Variants in NTN4 observed in about 807,000 individuals in gnomAD.
NTN4 encodes netrin 4.
NTN4 carries 32 observed loss-of-function variants against 73.6 expected under a neutral mutation model. The ratio of observed to expected loss-of-function variants is 0.44; its 90% CI spans 0.33 to 0.58. NTN4 has a LOEUF of 0.58. NTN4 is among the 20% of genes least tolerant of loss of function. The pLI, the probability that NTN4 is intolerant of heterozygous loss-of-function variation, is 0.04. For missense variants in NTN4, 654 were observed against 798.3 expected, an observed-to-expected ratio of 0.82 and a Z score of 2.18; for synonymous variants, 258 against 287.5, an observed-to-expected ratio of 0.90 and a Z score of 1.04.
chr12:95,778,303 A>T (rs1169273267), intron 2 of NTN4, among the ~76,000 whole-genome samples: 1 of 152,140 alleles, frequency 6.6e-6, no homozygotes, highest in Non-Finnish European at 1.5e-5. Flanking sequence ...GCAAGAAATA[A>T]CTAAGATCAG....
At chr12:95,742,803 C>A (rs1338590789) in intron 2 of NTN4, among the ~76,000 whole-genome samples, 2 of 152,188 alleles carry the variant, frequency 1.3e-5, no homozygotes. Context: ...GTCCCACAGT[C>A]TCTGGCACAT....
At chr12:95,761,615 G>T (rs983383039) in intron 2 of NTN4, among the ~76,000 whole-genome samples, 1 of 152,126 alleles carries the variant, frequency 6.6e-6, no homozygotes, top group East Asian at 1.9e-4. Context: ...TTACAGGCGT[G>T]AGCCACCGTG....
rs927715433 is a variant in NTN4 at position 95,672,200 on chromosome 12, G to C, written c.1511-2054C>G. 1.6e-5 allele frequency: 9 copies of C among 566,376 alleles called. No individual in the cohort carries two copies. The East Asian group carries it at 2.9e-4, about 18-fold the overall frequency. 35.1% of individuals were successfully genotyped at this position (566,376 alleles called of 1,614,324 possible). ...GTCGAGCACGCAGGCGCAATGGTCG[G>C]GTTGCGGGGGGCGGGCGGGGGGAGG... On this transcript the variant is annotated intron_variant, in intron 7 of 9. Coordinates refer to ENST00000343702, the MANE Select transcript of NTN4 (RefSeq NM_021229.4).
chr12:95,753,191 C>T (rs973702684), intron 2 of NTN4, among the ~76,000 whole-genome samples: 5 of 152,102 alleles, frequency 3.3e-5, no homozygotes, highest in African/African-American at 9.7e-5. Context: ...CAAAGGCAGG[C>T]TATGCTATAG....
chr12:95,758,571 TA>T (rs1324337040), intron 2 of NTN4, among the ~76,000 whole-genome samples: 1 of 152,178 alleles, frequency 6.6e-6, no homozygotes, highest in Non-Finnish European at 1.5e-5. Context: ...TATTTTATTT[TA>T]TTTTTTGAGA....
chr12:95,696,629 T>C (rs2121038612), intron 5 of NTN4, among the ~76,000 whole-genome samples: 1 of 151,980 alleles, frequency 6.6e-6, no homozygotes, highest in East Asian at 1.9e-4. Context: ...AATCATGAAA[T>C]GATTTTATGT....
At position 95,787,170 on chromosome 12, in the gene NTN4, C is replaced by T. The variant is rs2079174261; in HGVS notation, c.354G>A (p.Gln118=). The stretch of plus-strand genomic sequence containing the variant: ...AGTAGAATTCAGCTTCCAGGTCTAA[C>T]TGGATCTTTTCTCTGTGCACATCCT... ...SAEDVHREKI[Q]LDLEAEFYFT... The change falls in exon 2 of 10, where the codon CAG becomes CAA. Residue 118 remains glutamine, a synonymous_variant. Coordinates refer to ENST00000343702, the MANE Select transcript of NTN4 (RefSeq NM_021229.4). 6.2e-7 allele frequency: 1 copy of T among 1,614,112 alleles called. No homozygotes were observed. The highest frequency in any genetic ancestry group is 1.3e-5 in the African/African-American group (1 of 74,938).
intron 5 of NTN4, among the ~76,000 whole-genome samples, chr12:95,704,471 G>T (rs984005587): frequency 3.3e-5 from 5 of 152,144 alleles, no homozygotes; most frequent in Admixed American, 2.6e-4. Flanking sequence ...TGTTAAATAT[G>T]TTAACTTATT....
intron 7 of NTN4, among the ~76,000 whole-genome samples, chr12:95,679,552 CCTACCTCAT>C (rs80329492): frequency 0.052 from 7,959 of 152,154 alleles, 389 homozygotes; most frequent in East Asian, 0.27. Flanking sequence ...AATCCTTGAC[CCTACCTCAT>C]TTCACCCTCA....
Position 95,724,804 on chromosome 12 carries a change from A to G in NTN4, c.865-11466T>C, listed in dbSNP as rs2078679675. On this transcript the variant is annotated intron_variant, in intron 3 of 9. Coordinates refer to ENST00000343702, the MANE Select transcript of NTN4 (RefSeq NM_021229.4). ...CACTATGCTCAGTTACTAAGACAGT[A>G]GCTACATAGTCATTCTACCTACTCC... Among the ~76,000 whole-genome samples, 4 of 152,150 alleles carry G rather than the reference A, an allele frequency of 2.6e-5. No individual in the cohort carries two copies. The South Asian group carries it at 8.3e-4, about 31-fold the overall frequency.
At position 95,789,322 on chromosome 12, in the gene NTN4, C is replaced by G. The variant is rs538371219; in HGVS notation, c.55+933G>C. ...GTTCTGTAGCCACCAGCGCATCCCT[C>G]TAGCCCAGGCGCCCCTTTCTGAAGC... is the stretch of plus-strand genomic sequence containing the variant. On this transcript the variant is annotated intron_variant, in intron 1 of 9. Transcript: ENST00000343702. The surrounding 1 kb of genome is among the most constrained non-coding windows in gnomAD (Gnocchi z 4.0). Among the ~76,000 whole-genome samples the G allele has an allele frequency of 6.6e-6, 1 of 152,310 alleles. No homozygotes were observed. Among genetic ancestry groups the G allele is most frequent in the South Asian group, 2.1e-4 (1 of 4,832 alleles).
At chr12:95,661,779 C>T (rs1403861390) in intron 9 of NTN4, among the ~76,000 whole-genome samples, 5 of 152,094 alleles carry the variant, frequency 3.3e-5, no homozygotes, top group Non-Finnish European at 5.9e-5. Flanking sequence ...TGTTGATGGT[C>T]AGATAATGGA....
rs564151892 is a variant in NTN4, at chr12:95,681,755, G to A, written c.1510+952C>T. On this transcript the variant is annotated intron_variant, in intron 7 of 9. Coordinates refer to ENST00000343702, the MANE Select transcript of NTN4 (RefSeq NM_021229.4). ...ATGTCATAGGGAAATTGAGTCAGAG[G>A]AAAGAGGAGCCCATATTGAGTAAAC... 2.0e-5 allele frequency among the ~76,000 whole-genome samples: 3 copies of A among 152,306 alleles called. No homozygotes were observed. In the South Asian group the frequency reaches 6.2e-4, roughly 32 times the overall value.
intron 3 of NTN4, among the ~76,000 whole-genome samples, chr12:95,716,588 G>A (rs1051855124): frequency 4.6e-5 from 7 of 151,406 alleles, no homozygotes; most frequent in African/African-American, 7.3e-5. Flanking sequence ...CTCCTATCTT[G>A]CCTGTTATGT....
intron 2 of NTN4, among the ~76,000 whole-genome samples, chr12:95,757,480 C>T (rs576878469): frequency 7.9e-5 from 12 of 152,240 alleles, no homozygotes; most frequent in Admixed American, 7.8e-4. Flanking sequence ...AACAGACCTT[C>T]CCTTCAGGAG....
intron 3 of NTN4, among the ~76,000 whole-genome samples, chr12:95,729,716 A>G (rs1310718970): frequency 6.6e-6 from 1 of 150,684 alleles, no homozygotes; most frequent in African/African-American, 2.4e-5. Flanking sequence ...TTTCCCTTGC[A>G]AGGGAGAATA....
chr12:95,672,405 C>A, intron 7 of NTN4: 2 of 1,067,942 alleles, frequency 1.9e-6, no homozygotes, highest in Non-Finnish European at 2.9e-6. Flanking sequence ...CCCGGCAGGC[C>A]ACCAGGAGGT....
At chr12:95,725,615 A>T (rs2078688173) in intron 3 of NTN4, among the ~76,000 whole-genome samples, 1 of 152,152 alleles carries the variant, frequency 6.6e-6, no homozygotes, top group South Asian at 2.1e-4. Flanking sequence ...AGGGTATTAC[A>T]AAAGTTGACA....
rs182895127 is a variant in NTN4, at chr12:95,781,845, G to T, written c.585+5094C>A. Among the ~76,000 whole-genome samples the T allele has an allele frequency of 2.0e-5, 3 of 152,104 alleles. No homozygotes were observed. The highest frequency in any genetic ancestry group is 2.0e-4 in the Admixed American group (3 of 15,276). On this transcript the variant is annotated intron_variant, in intron 2 of 9. Transcript: ENST00000343702. This position sits in a 1 kb window ranked among gnomAD's most constrained non-coding sequence, Gnocchi z 4.1. ...ATTTACCACACTCCGACATAACACAGATTTTACTTATTTGCTCTCTATCTC... is the reference window on the plus strand; with the variant it reads ...ATTTACCACACTCCGACATAACACATATTTTACTTATTTGCTCTCTATCTC...
Sources: gnomAD v4.1 joint callset for allele counts (sites outside exome capture counted in the v4.1 genomes callset) on GRCh38, gnomAD v4.1.1 for gene constraint, Gnocchi (gnomAD v3.1) non-coding constraint, MANE v1.5 for transcripts, NCBI Gene and HGNC (gene_info 2026-07-23, HGNC 2026-07-21) for gene names.